FSHR: variants seen among roughly 807,000 people sequenced by gnomAD.
FSHR encodes follicle stimulating hormone receptor, also known as follicle-stimulating hormone receptor.
FSHR carries 46 observed loss-of-function variants against 52.1 expected under a neutral mutation model. That is an observed-to-expected ratio of 0.88 (90% CI 0.70 to 1.13). FSHR has a LOEUF of 1.13. Ranked by LOEUF, FSHR falls within the 50% of genes most tolerant of loss-of-function variation. FSHR has a pLI of 0.00. For synonymous variants in FSHR, 399 were observed against 309.6 expected, an observed-to-expected ratio of 1.29 and a Z score of -3.03; for missense variants, 964 against 834.6, an observed-to-expected ratio of 1.16 and a Z score of -1.91.
At chr2:49,149,176 A>G (rs1170014391) in intron 1 of FSHR, among the ~76,000 whole-genome samples, 1 of 152,042 alleles carries the variant, frequency 6.6e-6, no homozygotes, top group Non-Finnish European at 1.5e-5. Flanking sequence ...TAAACTGTCA[A>G]CATTCAACAA....
intron 4 of FSHR, among the ~76,000 whole-genome samples, chr2:49,015,812 G>A (rs1026377022): frequency 2.0e-5 from 3 of 152,132 alleles, no homozygotes; most frequent in Non-Finnish European, 4.4e-5. Flanking sequence ...TAAAAATGCA[G>A]AGCCTCTTGT....
intron 2 of FSHR, among the ~76,000 whole-genome samples, chr2:49,032,819 T>C (rs1265880434): frequency 6.6e-6 from 1 of 152,184 alleles, no homozygotes; most frequent in Non-Finnish European, 1.5e-5. Context: ...CTATCCCCAA[T>C]TTTCAGCTGT....
intron 5 of FSHR, among the ~76,000 whole-genome samples, chr2:48,989,666 T>G (rs1458006960): frequency 6.6e-6 from 1 of 152,196 alleles, no homozygotes; most frequent in Non-Finnish European, 1.5e-5. Context: ...TTGTCTAACT[T>G]CTCTGTTCAT....
intron 1 of FSHR, among the ~76,000 whole-genome samples, chr2:49,101,533 A>T (rs1220894017): frequency 6.6e-6 from 1 of 152,152 alleles, no homozygotes; most frequent in Non-Finnish European, 1.5e-5. Flanking sequence ...CAAAGGGCAC[A>T]ATTTTCTAAA....
intron 1 of FSHR, among the ~76,000 whole-genome samples, chr2:49,091,975 C>T (rs1301760698): frequency 6.6e-6 from 1 of 152,148 alleles, no homozygotes; most frequent in Non-Finnish European, 1.5e-5. Flanking sequence ...GGAGAATTAA[C>T]TATAGTGAAT....
chr2:49,010,450 T>C (rs1667227684), intron 4 of FSHR, among the ~76,000 whole-genome samples: 1 of 152,226 alleles, frequency 6.6e-6, no homozygotes, highest in South Asian at 2.1e-4. Context: ...TTGAAGATTT[T>C]TGCATCAATG....
chr2:48,998,924 T>C (rs914495763), intron 4 of FSHR, among the ~76,000 whole-genome samples: 8 of 152,096 alleles, frequency 5.3e-5, no homozygotes, highest in African/African-American at 7.2e-5. Flanking sequence ...TTCTTTAAAA[T>C]ATTATTTTTG....
chr2:49,088,976 G>A (rs1265614084), intron 1 of FSHR, among the ~76,000 whole-genome samples: 1 of 152,126 alleles, frequency 6.6e-6, no homozygotes, highest in African/African-American at 2.4e-5. Context: ...AAATGCAAAT[G>A]TCGAACGTTC....
chr2:49,080,783 A>G (rs1055584553), intron 1 of FSHR, among the ~76,000 whole-genome samples: 5 of 152,154 alleles, frequency 3.3e-5, no homozygotes, highest in Non-Finnish European at 7.4e-5. Flanking sequence ...GACAGCAAAC[A>G]ACTGGTCTGT....
intron 4 of FSHR, among the ~76,000 whole-genome samples, chr2:48,993,368 A>G (rs1268847811): frequency 4.6e-5 from 7 of 152,134 alleles, no homozygotes; most frequent in East Asian, 3.9e-4. Context: ...CTATCCATCA[A>G]TTTTAATTTG....
intron 4 of FSHR, among the ~76,000 whole-genome samples, chr2:49,012,571 A>G (rs546993736): frequency 6.6e-6 from 1 of 152,280 alleles, no homozygotes; most frequent in East Asian, 1.9e-4. Context: ...ACCCGTATGC[A>G]GAAATTAGGA....
rs144647119 is a variant in FSHR at position 49,016,094 on chromosome 2, T to C, written c.374+1395A>G. Reference sequence around the variant, plus strand: ...TCATTCAGAGAGCTAAGGCACATGATGGCCCAGTGTTTCTTATTATACCTG... The same window carrying C: ...TCATTCAGAGAGCTAAGGCACATGACGGCCCAGTGTTTCTTATTATACCTG... On this transcript the variant is annotated intron_variant, in intron 4 of 9. Transcript: ENST00000406846. Among the ~76,000 whole-genome samples the C allele has an allele frequency of 1.2e-3, 180 of 152,332 alleles. 3 individuals are homozygous for C. In the South Asian group the frequency reaches 0.035, roughly 30 times the overall value.
chr2:49,117,321 T>C (rs1671638862), intron 1 of FSHR, among the ~76,000 whole-genome samples: 3 of 152,208 alleles, frequency 2.0e-5, no homozygotes. Flanking sequence ...TCGGTGTCAT[T>C]AGGGGGAACC....
Position 49,068,209 on chromosome 2 carries a change from A to G in FSHR, c.224+10T>C, listed in dbSNP as rs752968801. On this transcript the variant is annotated intron_variant, in intron 2 of 9. Coordinates refer to ENST00000406846, the MANE Select transcript of FSHR (RefSeq NM_000145.4). ...TGAGGCATTCACTCACAGCAGTGCT[A>G]GGTACATACATTTTCTCCAGGTCCC... 8.5e-5 allele frequency: 137 copies of G among 1,606,070 alleles called. No homozygotes were observed. In the South Asian group the frequency reaches 1.4e-3, roughly 16 times the overall value.
intron 4 of FSHR, among the ~76,000 whole-genome samples, chr2:49,002,621 G>T (rs762561890): frequency 6.6e-6 from 1 of 152,006 alleles, no homozygotes; most frequent in Non-Finnish European, 1.5e-5. Context: ...GTGAGAACTC[G>T]CTGATTGTCA....
chr2:49,067,023 A>G (rs1184562020), intron 2 of FSHR, among the ~76,000 whole-genome samples: 2 of 152,096 alleles, frequency 1.3e-5, no homozygotes, highest in Non-Finnish European at 2.9e-5. Context: ...AATGTCCTCA[A>G]TGAGGTAAAC....
chr2:49,113,116 A>T (rs1048019962), intron 1 of FSHR, among the ~76,000 whole-genome samples: 1 of 152,124 alleles, frequency 6.6e-6, no homozygotes, highest in Non-Finnish European at 1.5e-5. Flanking sequence ...GATGGAGACA[A>T]TGTGGTAAGG....
In FSHR at chr2:49,004,601, G is replaced by T. The variant is rs181248145; in HGVS notation, c.374+12888C>A. On this transcript the variant is annotated intron_variant, in intron 4 of 9. Transcript: ENST00000406846. ...AGAGGATTTTCTATTTTCCTCATTT[G>T]ACTAGCCTCTTGAAGCATATTTTGT... Among the ~76,000 whole-genome samples the T allele has an allele frequency of 6.3e-4, 96 of 152,280 alleles. 1 individual carries two copies. Among genetic ancestry groups the T allele is most frequent in the African/African-American group, 2.2e-3 (91 of 41,578 alleles).
Position 49,075,542 on chromosome 2 carries a change from A to G in FSHR, c.153-7252T>C, listed in dbSNP as rs142117217. On this transcript the variant is annotated intron_variant, in intron 1 of 9. Transcript: ENST00000406846. ...AGAATAAAAACTGAGAGAGAAAAAA[A>G]GCACCCAAACAATTAGAGGCATGAA... Among the ~76,000 whole-genome samples, 729 of 152,338 alleles carry G rather than the reference A, an allele frequency of 4.8e-3. 6 individuals are homozygous for G. The highest frequency in any genetic ancestry group is 0.017 in the African/African-American group (692 of 41,580).
Sources: gnomAD v4.1 joint callset for allele counts (sites outside exome capture counted in the v4.1 genomes callset) on GRCh38, gnomAD v4.1.1 for gene constraint, MANE v1.5 for transcripts, NCBI Gene and HGNC (gene_info 2026-07-23, HGNC 2026-07-21) for gene names.